The following STAMBP variants were observed in gnomAD, a reference collection of about 807,000 sequenced individuals.
STAMBP encodes the protein STAM binding protein.
In STAMBP, 31 loss-of-function variants were observed where a neutral mutation model predicts 50.7. The ratio of observed to expected loss-of-function variants is 0.61; its 90% CI spans 0.46 to 0.83. The LOEUF is 0.83. Among genes scored for constraint, STAMBP ranks in the 40% least tolerant of loss-of-function variants. The pLI is 0.00. For missense variants in STAMBP, 472 were observed against 518.9 expected (o/e 0.91, Z 0.88); for synonymous variants, 211 against 192.4 (o/e 1.10, Z -0.80).
At chr2:73,860,634 T>C (rs1558596606) in intron 9 of STAMBP, 4 of 802,258 alleles carry the variant, frequency 5.0e-6, no homozygotes, top group South Asian at 5.7e-5. Context: ...TCATAGGGGC[T>C]TTACGACCTT....
intron 7 of STAMBP, among the ~76,000 whole-genome samples, chr2:73,855,137 A>G (rs1677383201): frequency 6.6e-6 from 1 of 152,192 alleles, no homozygotes; most frequent in South Asian, 2.1e-4. Context: ...TTATGGATTG[A>G]TCACCAACTG....
chr2:73,830,300 A>C (rs1673738030), intron 1 of STAMBP, among the ~76,000 whole-genome samples: 1 of 152,246 alleles, frequency 6.6e-6, no homozygotes, highest in South Asian at 2.1e-4. Context: ...TTCCCAGACC[A>C]GTTCCCCTAA....
downstream of STAMBP, among the ~76,000 whole-genome samples, chr2:73,869,475 A>G (rs528026548): frequency 5.4e-4 from 83 of 152,346 alleles, 1 homozygote; most frequent in African/African-American, 1.9e-3. Context: ...AAAAATTTAA[A>G]TGCAAGTCTG....
chr2:73,844,545 A>G, intron 2 of STAMBP: 1 of 238,780 alleles, frequency 4.2e-6, no homozygotes. Context: ...GGGCACAAGA[A>G]AGGCTTTTTA....
At chr2:73,869,264 TC>T (rs754939865), downstream of STAMBP, among the ~76,000 whole-genome samples, 1 of 152,090 alleles carries the variant, frequency 6.6e-6, no homozygotes, top group Non-Finnish European at 1.5e-5. Context: ...GGAAAAAAAA[TC>T]TAATTCAGCA....
chr2:73,848,506 G>A (rs578130408), intron 5 of STAMBP, among the ~76,000 whole-genome samples: 9 of 152,292 alleles, frequency 5.9e-5, no homozygotes, highest in Middle Eastern at 3.4e-3. Context: ...TCAGATGAAT[G>A]GGCAGTGTCT....
At chr2:73,839,031 CGAGGAGAAAAGAGA>C (rs1675055551) in intron 2 of STAMBP, among the ~76,000 whole-genome samples, 1 of 152,132 alleles carries the variant, frequency 6.6e-6, no homozygotes, top group Non-Finnish European at 1.5e-5. Context: ...TTACTACAAC[CGAGGAGAAAAGAGA>C]GGGGAGTATA....
intron 10 of STAMBP, among the ~76,000 whole-genome samples, chr2:73,872,171 C>T (rs150800793): frequency 1.3e-5 from 2 of 152,274 alleles, no homozygotes; most frequent in African/African-American, 4.8e-5. Flanking sequence ...GAACCAATCA[C>T]TCTGACCAGG....
intron 8 of STAMBP, 28 bp downstream of exon 8, chr2:73,859,394 G>T (rs758541321): frequency 6.4e-7 from 1 of 1,568,948 alleles, no homozygotes; most frequent in South Asian, 1.1e-5. Flanking sequence ...GGTTCTGGGT[G>T]TTTCAAGGGG....
chr2:73,852,047 G>A (rs937492896), intron 7 of STAMBP, among the ~76,000 whole-genome samples: 11 of 152,152 alleles, frequency 7.2e-5, no homozygotes, highest in African/African-American at 2.4e-4. Flanking sequence ...AGGTTTTTGA[G>A]TAGAGCAATG....
intron 2 of STAMBP, 49 bp from the exon 3 acceptor site, chr2:73,844,764 T>C (rs1334948289): frequency 3.9e-6 from 6 of 1,522,724 alleles, no homozygotes; most frequent in East Asian, 2.3e-5. Flanking sequence ...TAGGGTCTTA[T>C]GGACATTTGG....
intron 2 of STAMBP, among the ~76,000 whole-genome samples, chr2:73,835,370 A>G (rs1463456249): frequency 2.6e-5 from 4 of 151,736 alleles, no homozygotes; most frequent in African/African-American, 9.7e-5. Flanking sequence ...AAAAAAAAAA[A>G]AGAGATGTCA....
chr2:73,869,180 A>G (rs901432260), downstream of STAMBP, among the ~76,000 whole-genome samples: 2 of 152,240 alleles, frequency 1.3e-5, no homozygotes, highest in Non-Finnish European at 2.9e-5. Context: ...AGGCACAACG[A>G]TGTTCACTAA....
chr2:73,849,219 C>A, intron 5 of STAMBP, 144 bp from the exon 6 acceptor site: 1 of 1,167,768 alleles, frequency 8.6e-7, no homozygotes, highest in Non-Finnish European at 1.2e-6. Context: ...TTTTTGGTGC[C>A]ATTAGAATGA....
chr2:73,862,314 C>A lies in STAMBP; in HGVS notation c.*55C>A. Reference sequence around the variant, plus strand: ...ACAAAACCATATCAGTGTACTGTAGCCCCTTAATTTAAGCTTTCTAGAAAG... The same window carrying A: ...ACAAAACCATATCAGTGTACTGTAGACCCTTAATTTAAGCTTTCTAGAAAG... On this transcript the variant is annotated 3_prime_UTR_variant, in exon 10 of 10. Coordinates refer to ENST00000394070, the MANE Select transcript of STAMBP (RefSeq NM_213622.4). 1.3e-6 allele frequency: 2 copies of A among 1,494,688 alleles called. No individual in the cohort carries two copies. Among genetic ancestry groups the A allele is most frequent in the Non-Finnish European group, 1.8e-6 (2 of 1,109,394 alleles). 92.6% of individuals were successfully genotyped at this position (1,494,688 alleles called of 1,614,324 possible). A position where few individuals can be genotyped will look rare whatever the true frequency, so the allele number is the denominator to read the frequency against.
At chr2:73,858,903 G>C (rs915353209) in intron 7 of STAMBP, among the ~76,000 whole-genome samples, 4 of 150,634 alleles carry the variant, frequency 2.7e-5, no homozygotes, top group African/African-American at 1.0e-4. Context: ...CTTATCCTCA[G>C]GGGATATGAG....
chr2:73,871,801 TGTGTCACCCAGGCTGGA>T (rs1286879114), downstream of STAMBP, among the ~76,000 whole-genome samples: 1 of 152,124 alleles, frequency 6.6e-6, no homozygotes, highest in Non-Finnish European at 1.5e-5. Context: ...AGAGGCTCGC[TGTGTCACCCAGGCTGGA>T]GTGCAGTGGC....
At chr2:73,846,547 G>A (rs928135521) in intron 4 of STAMBP, among the ~76,000 whole-genome samples, 2 of 151,732 alleles carry the variant, frequency 1.3e-5, no homozygotes, top group East Asian at 1.9e-4. Flanking sequence ...GATCACCTGC[G>A]CCCAGGGAGA....
downstream of STAMBP, among the ~76,000 whole-genome samples, chr2:73,868,570 A>G (rs889855464): frequency 4.6e-5 from 7 of 152,166 alleles, no homozygotes; most frequent in Admixed American, 2.0e-4. Flanking sequence ...TTTATTTTTT[A>G]TTTTTTAAAC....
Sources: allele counts gnomAD v4.1 joint callset (sites outside exome capture counted in the v4.1 genomes callset), GRCh38; gene constraint gnomAD v4.1.1; transcripts MANE v1.5; gene names NCBI Gene and HGNC (gene_info 2026-07-23, HGNC 2026-07-21).